Variants in MACIR observed in about 807,000 individuals in gnomAD.
MACIR encodes the protein UNC119-binding protein C5orf30.
MACIR carries 4 observed loss-of-function variants against 14.3 expected under a neutral mutation model. The observed-to-expected ratio is 0.28, with a 90% CI of 0.14 to 0.64. MACIR has a LOEUF of 0.64. MACIR is among the 30% of genes least tolerant of loss of function. MACIR has a pLI of 0.83. For missense variants in MACIR, 228 were observed against 257.6 expected, an observed-to-expected ratio of 0.89 and a Z score of 0.79; for synonymous variants, 101 against 102.4, an observed-to-expected ratio of 0.99 and a Z score of 0.08.
At chr5:103,275,337 G>C in intron 2 of MACIR, among the ~76,000 whole-genome samples, 1 of 152,120 alleles carries the variant, frequency 6.6e-6, no homozygotes, top group East Asian at 1.9e-4. Context: ...TAGTTTTTTA[G>C]GTCTAAATTG....
intron 2 of MACIR, among the ~76,000 whole-genome samples, chr5:103,274,272 T>C (rs1429110116): frequency 6.6e-6 from 1 of 152,138 alleles, no homozygotes; most frequent in South Asian, 2.1e-4. Flanking sequence ...CTAAGAAGTC[T>C]TATATGCATA....
rs1356528636 is a variant in MACIR at position 103,277,482 on chromosome 5, TTAAAC to T, written c.*946_*950del. On this transcript the variant is annotated 3_prime_UTR_variant, in exon 3 of 3. Transcript: ENST00000319933. Reference sequence around the variant, plus strand: ...ACTCATGATTTGTACTATTGAATGATTAAACTAAGTATGAAGTGATACCATTCAGC... The same window carrying T: ...ACTCATGATTTGTACTATTGAATGATTAAGTATGAAGTGATACCATTCAGC... 2 of 167,056 alleles carry T rather than the reference TTAAAC, an allele frequency of 1.2e-5. No homozygotes were observed. Among genetic ancestry groups the T allele is most frequent in the Non-Finnish European group, 2.9e-5 (2 of 68,086 alleles). The allele number at this position is 167,056 out of a possible 1,614,324, so 10.3% of individuals were successfully genotyped here. A position where few individuals can be genotyped will look rare whatever the true frequency, so the allele number is the denominator to read the frequency against.
At position 103,276,869 on chromosome 5, in the gene MACIR, T is replaced by G. The variant is rs1169281656; in HGVS notation, c.*329T>G. ...ACTCAAATTGGGAATGTTACCTGCTTGGTTGTTGCTGACTTGATATGATTC... is the reference window on the plus strand; with the variant it reads ...ACTCAAATTGGGAATGTTACCTGCTGGGTTGTTGCTGACTTGATATGATTC... On this transcript the variant is annotated 3_prime_UTR_variant, in exon 3 of 3. Transcript: ENST00000319933. 2.4e-5 allele frequency: 5 copies of G among 206,164 alleles called. No homozygotes were observed. The South Asian group carries it at 8.2e-4, about 34-fold the overall frequency. The allele number at this position is 206,164 out of a possible 1,614,324, so 12.8% of individuals were successfully genotyped here. A position where few individuals can be genotyped will look rare whatever the true frequency, so the allele number is the denominator to read the frequency against.
intron 2 of MACIR, among the ~76,000 whole-genome samples, chr5:103,274,373 A>T (rs1405471461): frequency 1.3e-5 from 2 of 150,410 alleles, no homozygotes; most frequent in Non-Finnish European, 3.0e-5. Flanking sequence ...AATAATATAA[A>T]TAAAAATATT....
chr5:103,262,368 G>A (rs570982549), intron 1 of MACIR, among the ~76,000 whole-genome samples: 12 of 152,270 alleles, frequency 7.9e-5, no homozygotes, highest in Non-Finnish European at 1.6e-4. Flanking sequence ...TTTTAAAAAA[G>A]TCATTGCCTT....
intron 2 of MACIR, among the ~76,000 whole-genome samples, chr5:103,272,855 C>A (rs1805185324): frequency 6.6e-6 from 1 of 152,096 alleles, no homozygotes; most frequent in African/African-American, 2.4e-5. Flanking sequence ...ACCAATGAAC[C>A]ACCCAATGAG....
rs1318002161 is a variant in MACIR, at chr5:103,277,201, T to C, written c.*661T>C. On this transcript the variant is annotated 3_prime_UTR_variant, in exon 3 of 3. Transcript: ENST00000319933. ...GCTGTAAAATATTTCTTTATAGCGT[T>C]ATTAAAGTGTGTCTTAATAAAATTA... 1 of 167,080 alleles carries C rather than the reference T, an allele frequency of 6.0e-6. No homozygotes were observed. Among genetic ancestry groups the C allele is most frequent in the Non-Finnish European group, 1.5e-5 (1 of 68,104 alleles). The allele number at this position is 167,080 out of a possible 1,614,324, so 10.3% of individuals were successfully genotyped here.
At chr5:103,259,868 C>G (rs1554236050) in intron 1 of MACIR, 1 of 152,314 alleles carries the variant, frequency 6.6e-6, no homozygotes, top group Non-Finnish European at 1.5e-5. Context: ...GTGAAGCTGC[C>G]AAACTCTCTC....
chr5:103,275,726 T>A (rs1232109000), intron 2 of MACIR, among the ~76,000 whole-genome samples, 171 bp from the exon 3 acceptor site: 1 of 152,214 alleles, frequency 6.6e-6, no homozygotes, highest in Non-Finnish European at 1.5e-5. Flanking sequence ...AGAGGTATTG[T>A]CATTTCATGC....
chr5:103,262,060 A>G (rs1804749373), intron 1 of MACIR, among the ~76,000 whole-genome samples: 1 of 152,098 alleles, frequency 6.6e-6, no homozygotes, highest in South Asian at 2.1e-4. Context: ...ATGGACATAA[A>G]CATTTCCAAA....
At chr5:103,265,033 G>A (rs887472808) in intron 1 of MACIR, among the ~76,000 whole-genome samples, 1 of 152,044 alleles carries the variant, frequency 6.6e-6, no homozygotes, top group Non-Finnish European at 1.5e-5. Context: ...GGTGGAAAAG[G>A]ACTTTGGAGG....
intron 1 of MACIR, among the ~76,000 whole-genome samples, chr5:103,263,236 C>CCTG (rs1313610561): frequency 0.056 from 5,705 of 101,086 alleles, 345 homozygotes; most frequent in African/African-American, 0.16. Flanking sequence ...TGCTCTTCCT[C>CCTG]CTCCTCCTCC....
intron 2 of MACIR, among the ~76,000 whole-genome samples, chr5:103,273,999 TC>T (rs1805229915): frequency 1.3e-5 from 2 of 152,028 alleles, no homozygotes; most frequent in South Asian, 4.2e-4. Context: ...GTGTGCCCTT[TC>T]CTCAATGGCC....
chr5:103,271,922 T>A (rs1805144076), intron 2 of MACIR, among the ~76,000 whole-genome samples: 1 of 152,178 alleles, frequency 6.6e-6, no homozygotes, highest in Non-Finnish European at 1.5e-5. Flanking sequence ...AAGAAAGGTA[T>A]CTTTGATCTC....
In MACIR at chr5:103,278,245, T is replaced by C. The variant is rs950077747; in HGVS notation, c.*1705T>C. On this transcript the variant is annotated 3_prime_UTR_variant, in exon 3 of 3. Transcript: ENST00000319933. ...ATACAGTCATTAGTTTGACAAGAAA[T>C]AGAATCCTGTCAGATGCCAAAGAGT... 1.3e-4 allele frequency: 22 copies of C among 166,812 alleles called. No individual in the cohort carries two copies. The highest frequency in any genetic ancestry group is 4.3e-4 in the African/African-American group (18 of 41,450). 10.3% of individuals were successfully genotyped at this position (166,812 alleles called of 1,614,324 possible).
chr5:103,261,604 A>G (rs1192255365), intron 1 of MACIR, among the ~76,000 whole-genome samples: 1 of 151,562 alleles, frequency 6.6e-6, no homozygotes, highest in African/African-American at 2.4e-5. Flanking sequence ...GTCTCTTCTT[A>G]AATAGCCACT....
intron 1 of MACIR, chr5:103,259,738 G>C (rs1211373306): frequency 1.3e-5 from 2 of 152,322 alleles, no homozygotes; most frequent in Admixed American, 1.3e-4. Context: ...TTAAGCGGCA[G>C]ATGTCGGGCA....
intron 1 of MACIR, among the ~76,000 whole-genome samples, chr5:103,261,656 TTC>T (rs1233587637): frequency 1.8e-5 from 2 of 110,084 alleles, no homozygotes; most frequent in Admixed American, 8.8e-5. Context: ...CTTTCTTTCT[TTC>T]TTTCTTTCTT....
chr5:103,270,780 C>T (rs962425320), intron 2 of MACIR, among the ~76,000 whole-genome samples: 5 of 152,088 alleles, frequency 3.3e-5, no homozygotes, highest in African/African-American at 4.8e-5. Context: ...GTGTCACTGA[C>T]TCAGACACCC....
Sources: allele counts gnomAD v4.1 joint callset (sites outside exome capture counted in the v4.1 genomes callset), GRCh38; gene constraint gnomAD v4.1.1; transcripts MANE v1.5; gene names NCBI Gene and HGNC (gene_info 2026-07-23, HGNC 2026-07-21).